The following MACROD2 variants were observed in gnomAD, a reference collection of about 807,000 sequenced individuals.
MACROD2 encodes ADP-ribose glycohydrolase MACROD2.
In MACROD2, 36 loss-of-function variants were observed where a neutral mutation model predicts 70.4. That is an observed-to-expected ratio of 0.51 (90% CI 0.39 to 0.68). The LOEUF (loss-of-function observed/expected upper bound fraction) is 0.68. MACROD2 is among the 30% of genes least tolerant of loss of function. The pLI, the probability that MACROD2 is intolerant of heterozygous loss-of-function variation, is 0.00. For missense variants in MACROD2, 496 were observed against 538.4 expected (o/e 0.92, Z 0.78); for synonymous variants, 172 against 178.8 (o/e 0.96, Z 0.30).
At chr20:15,312,105 C>T (rs557612809) in intron 6 of MACROD2, among the ~76,000 whole-genome samples, 10 of 152,168 alleles carry the variant, frequency 6.6e-5, no homozygotes, top group East Asian at 5.8e-4. Context: ...AATGTAACAA[C>T]GTTAAAGGAA....
At chr20:15,436,087 A>C (rs1429029359) in intron 7 of MACROD2, among the ~76,000 whole-genome samples, 1 of 150,854 alleles carries the variant, frequency 6.6e-6, no homozygotes, top group Non-Finnish European at 1.5e-5. Context: ...TAGCTTCATA[A>C]CCTTCTGTTT....
At chr20:15,935,155 A>G (rs544802702) in intron 11 of MACROD2, among the ~76,000 whole-genome samples, 135 of 152,174 alleles carry the variant, frequency 8.9e-4, no homozygotes, top group Non-Finnish European at 1.0e-3. Flanking sequence ...GAGAACAAGT[A>G]GTTTGTAGAT....
intron 15 of MACROD2, among the ~76,000 whole-genome samples, chr20:15,993,579 A>G (rs2066588949): frequency 6.6e-6 from 1 of 152,076 alleles, no homozygotes; most frequent in Non-Finnish European, 1.5e-5. Flanking sequence ...ACCTAGCAAC[A>G]TATTTCTCAG....
chr20:15,702,112 G>A (rs2050468964), intron 8 of MACROD2, among the ~76,000 whole-genome samples: 1 of 152,168 alleles, frequency 6.6e-6, no homozygotes, highest in South Asian at 2.1e-4. Context: ...TGTGAACAAT[G>A]GTGTGATGAA....
chr20:15,548,597 T>C (rs2048055533), intron 8 of MACROD2, among the ~76,000 whole-genome samples: 2 of 152,156 alleles, frequency 1.3e-5, no homozygotes, highest in South Asian at 4.1e-4. Context: ...GGTTTTATCA[T>C]CTTGGCCAGG....
At chr20:15,038,283 T>G (rs1038760306) in intron 5 of MACROD2, among the ~76,000 whole-genome samples, 2 of 152,210 alleles carry the variant, frequency 1.3e-5, no homozygotes, top group South Asian at 4.1e-4. Flanking sequence ...CAAAACTAGG[T>G]TATGTACATG....
chr20:14,514,998 T>C (rs888764985), intron 4 of MACROD2, among the ~76,000 whole-genome samples: 4 of 152,014 alleles, frequency 2.6e-5, no homozygotes, highest in Non-Finnish European at 5.9e-5. Context: ...TGTCATTAAA[T>C]TAGAGCTAAT....
chr20:15,760,684 C>A (rs1291399674), intron 8 of MACROD2, among the ~76,000 whole-genome samples: 1 of 152,160 alleles, frequency 6.6e-6, no homozygotes, highest in East Asian at 1.9e-4. Context: ...TTACTTCAAG[C>A]ATGCACACAC....
At chr20:14,388,766 G>A (rs2122794884) in intron 3 of MACROD2, among the ~76,000 whole-genome samples, 1 of 152,168 alleles carries the variant, frequency 6.6e-6, no homozygotes, top group South Asian at 2.1e-4. Context: ...AGGACTTCCG[G>A]CATCACCAGT....
In MACROD2 at chr20:15,286,186, G is replaced by A. The variant is rs1407020813; in HGVS notation, c.540+56125G>A. 2.0e-5 allele frequency among the ~76,000 whole-genome samples: 3 copies of A among 152,116 alleles called. No individual in the cohort carries two copies. In the East Asian group the frequency reaches 5.8e-4, roughly 29 times the overall value. On this transcript the variant is annotated intron_variant, in intron 6 of 17. Transcript: ENST00000684519. Reference sequence around the variant, plus strand: ...AGAAATTTTGTAGGGTTTTTGAGAGGAGATTATATGAGTGTTGTGGATTGA... The same window carrying A: ...AGAAATTTTGTAGGGTTTTTGAGAGAAGATTATATGAGTGTTGTGGATTGA...
chr20:15,233,972 T>C (rs1342207417), intron 6 of MACROD2, among the ~76,000 whole-genome samples: 1 of 60,570 alleles, frequency 1.7e-5, no homozygotes, highest in Non-Finnish European at 3.4e-5. Context: ...TTTATTTTTA[T>C]ATATATTTAT....
intron 9 of MACROD2, among the ~76,000 whole-genome samples, chr20:15,883,982 C>T (rs904008879): frequency 5.9e-5 from 9 of 152,086 alleles, no homozygotes; most frequent in African/African-American, 2.2e-4. Flanking sequence ...GTTTCAGTAG[C>T]TGTCCTAGTG....
At chr20:14,104,189 A>G (rs1347745641) in intron 3 of MACROD2, among the ~76,000 whole-genome samples, 2 of 152,134 alleles carry the variant, frequency 1.3e-5, no homozygotes, top group East Asian at 3.8e-4. Flanking sequence ...TTATACTTCA[A>G]TGTTGTTTTA....
Position 16,035,166 on chromosome 20 carries a change from A to G in MACROD2, c.1154-6035A>G, listed in dbSNP as rs981699169. ...TATTATATATAAAATATAATATAAA[A>G]TATAAAATATTATATATTATATATA... is the stretch of plus-strand genomic sequence containing the variant. On this transcript the variant is annotated intron_variant, in intron 15 of 17. Transcript: ENST00000684519. Among the ~76,000 whole-genome samples, 75 of 11,352 alleles carry G rather than the reference A, an allele frequency of 6.6e-3. 2 individuals carry two copies. Among genetic ancestry groups the G allele is most frequent in the African/African-American group, 0.014 (73 of 5,230 alleles). 7.4% of individuals were successfully genotyped at this position (11,352 alleles called of 152,430 possible).
At chr20:16,020,867 A>G (rs1408319906) in intron 15 of MACROD2, among the ~76,000 whole-genome samples, 1 of 152,122 alleles carries the variant, frequency 6.6e-6, no homozygotes, top group Non-Finnish European at 1.5e-5. Flanking sequence ...AAAAATCTGC[A>G]TGTCTTCATC....
At chr20:15,444,224 C>T (rs1242541830) in intron 7 of MACROD2, among the ~76,000 whole-genome samples, 1 of 152,114 alleles carries the variant, frequency 6.6e-6, no homozygotes, top group Non-Finnish European at 1.5e-5. Context: ...AAAGTTCGTC[C>T]ATGTCATAGC....
rs187843852 is a variant in MACROD2, at chr20:15,952,942, A to C, written c.908-14611A>C. On this transcript the variant is annotated intron_variant, in intron 12 of 17. Transcript: ENST00000684519. The stretch of plus-strand genomic sequence containing the variant: ...CTCAAAAGAATAGTTTTGAGAAGAG[A>C]CTTTTCGAAAACTCTCCCATTTCTG... Among the ~76,000 whole-genome samples, 48 of 152,218 alleles carry C rather than the reference A, an allele frequency of 3.2e-4. 1 individual carries two copies. In the East Asian group the frequency reaches 9.3e-3, roughly 29 times the overall value.
intron 5 of MACROD2, among the ~76,000 whole-genome samples, chr20:15,135,176 TC>T (rs2076137187): frequency 6.6e-6 from 1 of 150,886 alleles, no homozygotes; most frequent in South Asian, 2.1e-4. Flanking sequence ...ACTATTCCAA[TC>T]AATAGAAAAA....
chr20:14,338,706 G>T (rs755505350), intron 3 of MACROD2, among the ~76,000 whole-genome samples: 1 of 152,086 alleles, frequency 6.6e-6, no homozygotes, highest in African/African-American at 2.4e-5. Flanking sequence ...GGTTTGCCTG[G>T]ATTGAAATTA....
Sources: gnomAD v4.1 joint callset for allele counts (sites outside exome capture counted in the v4.1 genomes callset) on GRCh38, gnomAD v4.1.1 for gene constraint, MANE v1.5 for transcripts, NCBI Gene and HGNC (gene_info 2026-07-23, HGNC 2026-07-21) for gene names.